The following PLCL1 variants were observed in gnomAD, a reference collection of about 807,000 sequenced individuals.
The protein encoded by PLCL1 is inactive phospholipase C-like protein 1.
PLCL1 carries 41 observed loss-of-function variants against 84.4 expected under a neutral mutation model. That is an observed-to-expected ratio of 0.49 (90% CI 0.38 to 0.63). The LOEUF is 0.63. Among genes scored for constraint, PLCL1 ranks in the 30% least tolerant of loss-of-function variants. PLCL1 has a pLI of 0.00. For missense variants in PLCL1, 1,206 were observed against 1,367.8 expected, an observed-to-expected ratio of 0.88 and a Z score of 1.87; for synonymous variants, 490 against 488.3, an observed-to-expected ratio of 1.00 and a Z score of -0.05.
At chr2:197,835,160 A>G (rs1384745760) in intron 1 of PLCL1, among the ~76,000 whole-genome samples, 1 of 152,150 alleles carries the variant, frequency 6.6e-6, no homozygotes, top group African/African-American at 2.4e-5. Flanking sequence ...GTGGGAGCCT[A>G]GGAGAGGGAT....
chr2:198,146,265 T>G (rs989724733), intron 5 of PLCL1, among the ~76,000 whole-genome samples: 4 of 152,176 alleles, frequency 2.6e-5, no homozygotes, highest in Admixed American at 2.0e-4. Context: ...ATTGCAAGGA[T>G]GACCCAGTAT....
intron 1 of PLCL1, among the ~76,000 whole-genome samples, chr2:198,020,108 T>G (rs1285263401): frequency 1.3e-5 from 2 of 152,206 alleles, no homozygotes; most frequent in African/African-American, 4.8e-5. Flanking sequence ...AAAAGAATTT[T>G]CAACCCAGAA....
chr2:197,869,081 C>CT (rs1687600225), intron 1 of PLCL1, among the ~76,000 whole-genome samples: 1 of 152,134 alleles, frequency 6.6e-6, no homozygotes. Flanking sequence ...TCCTCTCTAG[C>CT]TCTTACATCT....
At chr2:197,928,281 T>C (rs192620158) in intron 1 of PLCL1, among the ~76,000 whole-genome samples, 97 of 152,304 alleles carry the variant, frequency 6.4e-4, no homozygotes, top group African/African-American at 2.2e-3. Flanking sequence ...TTGTCATGGT[T>C]AAATCTCCTT....
chr2:197,904,033 C>T (rs1172655847), intron 1 of PLCL1, among the ~76,000 whole-genome samples: 1 of 146,514 alleles, frequency 6.8e-6, no homozygotes, highest in African/African-American at 2.5e-5. Context: ...GAACTCCTGG[C>T]CTTAGGCGAT....
intron 5 of PLCL1, among the ~76,000 whole-genome samples, chr2:198,123,586 C>T (rs190824964): frequency 6.6e-6 from 1 of 152,086 alleles, no homozygotes; most frequent in East Asian, 1.9e-4. Flanking sequence ...TCAGAAGAAA[C>T]CAACCCTGCC....
chr2:198,039,207 T>G (rs1412418574), intron 1 of PLCL1, among the ~76,000 whole-genome samples: 4 of 152,144 alleles, frequency 2.6e-5, no homozygotes, highest in African/African-American at 9.6e-5. Context: ...AGAAGAGTAG[T>G]TGGCATGGTT....
chr2:197,805,367 C>T lies in PLCL1; in HGVS notation c.240+28C>T. The T allele has an allele frequency of 1.5e-6, 2 of 1,336,172 alleles. No individual in the cohort carries two copies. Among genetic ancestry groups the T allele is most frequent in the Admixed American group, 3.7e-5 (1 of 26,722 alleles). The allele number at this position is 1,336,172 out of a possible 1,614,324, so 82.8% of individuals were successfully genotyped here. Reference sequence around the variant, plus strand: ...AAGCAAAGCCGCGCCGCACCGGGAGCGTGGCTGTGGGTGATGGGTGGGTCA... The same window carrying T: ...AAGCAAAGCCGCGCCGCACCGGGAGTGTGGCTGTGGGTGATGGGTGGGTCA... On this transcript the variant is annotated intron_variant, in intron 1 of 5. Transcript: ENST00000428675. This position sits in a 1 kb window ranked among gnomAD's most constrained non-coding sequence, Gnocchi z 4.0.
At position 198,101,372 on chromosome 2, in the gene PLCL1, T is replaced by A. The variant is rs1693329406; in HGVS notation, c.2995+12T>A. The A allele has an allele frequency of 4.2e-6, 6 of 1,442,894 alleles. No individual in the cohort carries two copies. The South Asian group carries it at 7.5e-5, about 18-fold the overall frequency. The allele number at this position is 1,442,894 out of a possible 1,614,324, so 89.4% of individuals were successfully genotyped here. A position where few individuals can be genotyped will look rare whatever the true frequency, so the allele number is the denominator to read the frequency against. ...GTGTCAGAAAGCAGGTAATTGTTTTTAATTTTTTTTTCTGTTTTTTTTTTC... is the reference window on the plus strand; with the variant it reads ...GTGTCAGAAAGCAGGTAATTGTTTTAAATTTTTTTTTCTGTTTTTTTTTTC... On this transcript the variant is annotated intron_variant, in intron 4 of 5. Coordinates refer to ENST00000428675, the MANE Select transcript of PLCL1 (RefSeq NM_006226.4).
At chr2:197,964,965 A>G (rs1464209355) in intron 1 of PLCL1, among the ~76,000 whole-genome samples, 6 of 151,962 alleles carry the variant, frequency 3.9e-5, no homozygotes, top group Non-Finnish European at 8.8e-5. Context: ...TTAATATGCT[A>G]TTGAATCTGG....
intron 1 of PLCL1, among the ~76,000 whole-genome samples, chr2:197,827,245 C>T (rs1574899715): frequency 1.3e-5 from 2 of 152,130 alleles, no homozygotes; most frequent in East Asian, 1.9e-4. Flanking sequence ...AATCCCTTTA[C>T]GTGGGTCAGG....
intron 1 of PLCL1, among the ~76,000 whole-genome samples, chr2:197,971,638 A>T (rs1689867561): frequency 6.6e-6 from 1 of 152,248 alleles, no homozygotes; most frequent in African/African-American, 2.4e-5. Flanking sequence ...TTCCATGTGC[A>T]TAAAATCACA....
At chr2:197,835,541 C>T (rs893243036) in intron 1 of PLCL1, among the ~76,000 whole-genome samples, 5 of 152,060 alleles carry the variant, frequency 3.3e-5, no homozygotes, top group Non-Finnish European at 7.4e-5. Context: ...TTAATAGTGC[C>T]AAAACTTGAT....
chr2:197,906,872 A>G (rs561015990), intron 1 of PLCL1, among the ~76,000 whole-genome samples: 1 of 152,200 alleles, frequency 6.6e-6, no homozygotes, highest in South Asian at 2.1e-4. Flanking sequence ...TTTGTCTGTT[A>G]TTGGTGTATA....
chr2:198,055,067 A>G (rs1692029166), intron 1 of PLCL1, among the ~76,000 whole-genome samples: 2 of 152,080 alleles, frequency 1.3e-5, no homozygotes, highest in African/African-American at 4.8e-5. Context: ...AGAGTCTAAT[A>G]AATGAAGACA....
intron 1 of PLCL1, among the ~76,000 whole-genome samples, chr2:198,082,391 C>G (rs1419018670): frequency 6.6e-6 from 1 of 151,912 alleles, no homozygotes; most frequent in Non-Finnish European, 1.5e-5. Flanking sequence ...TTGCATTGCA[C>G]TGAAATCACG....
intron 1 of PLCL1, among the ~76,000 whole-genome samples, chr2:198,013,274 C>A (rs1344819717): frequency 6.6e-6 from 1 of 151,954 alleles, no homozygotes; most frequent in Non-Finnish European, 1.5e-5. Flanking sequence ...CCTATTTTGC[C>A]ATTTTAATGT....
At chr2:197,855,352 C>T (rs1269846251) in intron 1 of PLCL1, among the ~76,000 whole-genome samples, 1 of 152,140 alleles carries the variant, frequency 6.6e-6, no homozygotes, top group Non-Finnish European at 1.5e-5. Flanking sequence ...GTGGATTCTG[C>T]CCTGGTTTAG....
intron 3 of PLCL1, among the ~76,000 whole-genome samples, chr2:198,090,113 C>T (rs1226795779): frequency 6.6e-6 from 1 of 151,982 alleles, no homozygotes; most frequent in African/African-American, 2.4e-5. Context: ...GAAGCATAAA[C>T]ATTTATGTTA....
Sources: gnomAD v4.1 joint callset for allele counts (sites outside exome capture counted in the v4.1 genomes callset) on GRCh38, gnomAD v4.1.1 for gene constraint, Gnocchi (gnomAD v3.1) non-coding constraint, MANE v1.5 for transcripts, NCBI Gene and HGNC (gene_info 2026-07-23, HGNC 2026-07-21) for gene names.